Variants in HIRA observed in about 807,000 individuals in gnomAD.
HIRA encodes the protein protein HIRA.
Under a neutral mutation model 126.6 loss-of-function variants are expected in HIRA, and 13 were observed. The observed-to-expected ratio is 0.10, with a 90% CI of 0.07 to 0.16. HIRA has a LOEUF of 0.16. HIRA is among the 10% of genes least tolerant of loss of function. The pLI, the probability that HIRA is intolerant of heterozygous loss-of-function variation, is 1.00. For synonymous variants in HIRA, 511 were observed against 520.0 expected (o/e 0.98, Z 0.24); for missense variants, 834 against 1,314.4 (o/e 0.63, Z 5.65).
chr22:19,373,385 A>C (rs556914943), intron 15 of HIRA, among the ~76,000 whole-genome samples: 1 of 152,308 alleles, frequency 6.6e-6, no homozygotes, highest in South Asian at 2.1e-4. Flanking sequence ...TAAGTCTCCC[A>C]GTAAGTATGT....
intron 5 of HIRA, 72 bp from the exon 6 acceptor site, chr22:19,398,159 C>A: frequency 8.8e-7 from 1 of 1,136,970 alleles, no homozygotes; most frequent in South Asian, 1.3e-5. Flanking sequence ...TTGGCCAGTG[C>A]CCCTGGGACC....
chr22:19,403,391 C>T (rs142100835), intron 5 of HIRA, among the ~76,000 whole-genome samples: 1,654 of 152,218 alleles, frequency 0.011, 21 homozygotes, highest in Middle Eastern at 0.014. Flanking sequence ...AGGCAGATCA[C>T]GAGGTCAGGA....
rs557323004 is a variant in HIRA, at chr22:19,401,974, C to G, written c.397+3812G>C. On this transcript the variant is annotated intron_variant, in intron 5 of 24. Coordinates refer to ENST00000263208, the MANE Select transcript of HIRA (RefSeq NM_003325.4). ...CACTGCCTCCCGCACCCTCCTCCCC[C>G]GCCCCAGCTCCCAGGGGTTCACTGG... 8.5e-5 allele frequency among the ~76,000 whole-genome samples: 13 copies of G among 152,294 alleles called. No individual in the cohort carries two copies. The South Asian group carries it at 2.5e-3, about 29-fold the overall frequency.
At chr22:19,334,323 T>C (rs1272109655) in intron 24 of HIRA, among the ~76,000 whole-genome samples, 2 of 151,612 alleles carry the variant, frequency 1.3e-5, no homozygotes, top group Non-Finnish European at 2.9e-5. Flanking sequence ...GTTGTCTGTA[T>C]TCTCCTTGAG....
At chr22:19,347,727 T>C (rs1009923295) in intron 24 of HIRA, among the ~76,000 whole-genome samples, 5 of 151,836 alleles carry the variant, frequency 3.3e-5, no homozygotes, top group Non-Finnish European at 7.4e-5. Context: ...TCACCTGAGG[T>C]CAGGAGTTTG....
At position 19,351,566 on chromosome 22, in the gene HIRA, A is replaced by C; in HGVS notation, c.2849-120T>G. The C allele has an allele frequency of 2.6e-6, 2 of 772,074 alleles. No individual in the cohort carries two copies. Among genetic ancestry groups the C allele is most frequent in the African/African-American group, 1.7e-5 (1 of 57,248 alleles). 47.8% of individuals were successfully genotyped at this position (772,074 alleles called of 1,614,324 possible). ...GTGTCTATCAAATCAGAATAAACAC[A>C]TGCGTATTTTATTGCCTACTATGGG... is the stretch of plus-strand genomic sequence containing the variant. On this transcript the variant is annotated intron_variant, in intron 23 of 24. Transcript: ENST00000263208. The surrounding 1 kb of genome is among the most constrained non-coding windows in gnomAD (Gnocchi z 4.8).
In HIRA at chr22:19,353,398, G is replaced by A. The variant is rs782770518; in HGVS notation, c.2806C>T (p.Arg936Cys). 6 of 1,613,050 alleles carry A rather than the reference G, an allele frequency of 3.7e-6. No individual in the cohort carries two copies. The highest frequency in any genetic ancestry group is 5.1e-6 in the Non-Finnish European group (6 of 1,179,988). Residue 936 changes from arginine (R) to cysteine (C), a missense_variant, in exon 23 of 25, where the codon CGC becomes TGC. Coordinates refer to ENST00000263208, the MANE Select transcript of HIRA (RefSeq NM_003325.4). ...ALTLQSSHEY[R>C]HWLLVYARYL... Reference sequence around the variant, plus strand: ...CGTGCGTAGACGAGGAGCCAATGGCGGTACTCGTGGCTGGACTGCAGGGTG... The same window carrying A: ...CGTGCGTAGACGAGGAGCCAATGGCAGTACTCGTGGCTGGACTGCAGGGTG...
Position 19,431,408 on chromosome 22 carries a change from C to A in HIRA, c.37+32G>T, listed in dbSNP as rs756291249. On this transcript the variant is annotated intron_variant, in intron 1 of 24. Coordinates refer to ENST00000263208, the MANE Select transcript of HIRA (RefSeq NM_003325.4). The stretch of plus-strand genomic sequence containing the variant: ...CTCCAGACCCCGACCCGACTCCGGG[C>A]TCGGCCTCCCGCGACCCCTGCGCGC... The A allele has an allele frequency of 1.0e-5, 16 of 1,605,534 alleles. No individual in the cohort carries two copies. In the African/African-American group the frequency reaches 1.3e-4, roughly 13 times the overall value.
chr22:19,375,207 T>C (rs376093553), intron 15 of HIRA, among the ~76,000 whole-genome samples: 1 of 152,212 alleles, frequency 6.6e-6, no homozygotes, highest in Non-Finnish European at 1.5e-5. Context: ...ATCATTTTTA[T>C]TGCAGCTCTC....
chr22:19,387,902 G>A (rs2089141172), intron 10 of HIRA, 86 bp from the exon 11 acceptor site: 4 of 895,520 alleles, frequency 4.5e-6, no homozygotes, highest in African/African-American at 1.7e-5. Context: ...AGGATGGTGG[G>A]CAGTGTTCTA....
chr22:19,387,695 A>C lies in HIRA; in HGVS notation c.1113+16T>G, dbSNP rs759859288. On this transcript the variant is annotated intron_variant, in intron 11 of 24. Transcript: ENST00000263208. Reference sequence around the variant, plus strand: ...TGGCCACAGAGCACCCAGCAGCACAAGAGCCGTCAGCCTACCTTCTCCTCC... The same window carrying C: ...TGGCCACAGAGCACCCAGCAGCACACGAGCCGTCAGCCTACCTTCTCCTCC... The C allele has an allele frequency of 6.2e-7, 1 of 1,606,386 alleles. No individual in the cohort carries two copies. The highest frequency in any genetic ancestry group is 8.5e-7 in the Non-Finnish European group (1 of 1,173,744).
chr22:19,397,657 G>T (rs1206013116), intron 6 of HIRA, among the ~76,000 whole-genome samples: 1 of 152,156 alleles, frequency 6.6e-6, no homozygotes, highest in Admixed American at 6.5e-5. Flanking sequence ...GGGTTTCACA[G>T]AGGAGATGGT....
rs144604363 is a variant in HIRA, at chr22:19,394,465, A to G, written c.699T>C (p.Asp233=). 183 of 1,614,070 alleles carry G rather than the reference A, an allele frequency of 1.1e-4. No individual in the cohort carries two copies. Among genetic ancestry groups the G allele is most frequent in the Non-Finnish European group, 1.5e-4 (176 of 1,180,020 alleles). Residue 233 remains aspartate, a synonymous_variant, in exon 8 of 25, where the codon GAT becomes GAC. Coordinates refer to ENST00000263208, the MANE Select transcript of HIRA (RefSeq NM_003325.4). ...THVLRLSWSP[D]GHYLVSAHAM... ...CATGGGCAGACACCAGGTAATGCCC[A>G]TCAGGTGACCAGCTGAGCCGCAACA...
intron 5 of HIRA, chr22:19,405,422 T>G (rs764542119): frequency 4.5e-6 from 4 of 890,580 alleles, no homozygotes; most frequent in Non-Finnish European, 5.4e-6. Context: ...TCAATGGGCA[T>G]CTGTGAGCTG....
Position 19,414,936 on chromosome 22 carries a change from C to CTTATTTATTTATTTATTTAT in HIRA, c.38-4178_38-4159dup, listed in dbSNP as rs138847743. 3.6e-3 allele frequency among the ~76,000 whole-genome samples: 549 copies of CTTATTTATTTATTTATTTAT among 150,788 alleles called. 5 individuals carry two copies. Among genetic ancestry groups the CTTATTTATTTATTTATTTAT allele is most frequent in the South Asian group, 0.014 (64 of 4,708 alleles). ...ATAAGGTGGGTGCAAACAACACAAA[C>CTTATTTATTTATTTATTTAT]TTATTTATTTATTTATTTATTTATT... is the stretch of plus-strand genomic sequence containing the variant. On this transcript the variant is annotated intron_variant, in intron 1 of 24. Transcript: ENST00000263208.
intron 1 of HIRA, among the ~76,000 whole-genome samples, chr22:19,428,784 TAA>T (rs199570689): frequency 1.3e-5 from 2 of 149,576 alleles, no homozygotes; most frequent in South Asian, 4.2e-4. Flanking sequence ...CCATTTCTAT[TAA>T]AAAAAAAAGT....
At chr22:19,360,235 C>A (rs1401855888) in intron 17 of HIRA, among the ~76,000 whole-genome samples, 1 of 152,110 alleles carries the variant, frequency 6.6e-6, no homozygotes, top group African/African-American at 2.4e-5. Flanking sequence ...AAATGACAGT[C>A]CCAAGCAGTG....
At chr22:19,364,036 C>T (rs566125752) in intron 15 of HIRA, among the ~76,000 whole-genome samples, 140 of 152,184 alleles carry the variant, frequency 9.2e-4, no homozygotes, top group African/African-American at 3.1e-3. Flanking sequence ...GTGCCCCACT[C>T]TGGTGGGGGA....
At chr22:19,410,657 G>C in intron 2 of HIRA, 59 bp downstream of exon 2, 1 of 1,252,646 alleles carries the variant, frequency 8.0e-7, no homozygotes, top group Non-Finnish European at 1.2e-6. Flanking sequence ...ATGGACAGCA[G>C]GAGAAGAGCA....
Sources: allele counts gnomAD v4.1 joint callset (sites outside exome capture counted in the v4.1 genomes callset), GRCh38; gene constraint gnomAD v4.1.1; non-coding constraint Gnocchi (gnomAD v3.1); transcripts MANE v1.5; gene names NCBI Gene and HGNC (gene_info 2026-07-23, HGNC 2026-07-21).